The following MED15 variants were observed in gnomAD, a reference collection of about 807,000 sequenced individuals.
MED15 encodes mediator of RNA polymerase II transcription subunit 15.
MED15 carries 41 observed loss-of-function variants against 118.7 expected under a neutral mutation model. The observed-to-expected ratio is 0.35, with a 90% confidence interval of 0.27 to 0.45. The LOEUF is 0.45. Ranked by LOEUF, MED15 falls within the 20% of genes least tolerant of loss-of-function variation. The probability of loss-of-function intolerance (pLI) is 1.00; values close to 1 mark genes in which losing one functional copy is unlikely to be tolerated. For missense variants in MED15, 740 were observed against 1,025.5 expected (o/e 0.72, Z 3.80); for synonymous variants, 436 against 413.9 (o/e 1.05, Z -0.65).
At chr22:20,583,506 C>G in intron 13 of MED15, 113 bp downstream of exon 13, 1 of 1,332,992 alleles carries the variant, frequency 7.5e-7, no homozygotes, top group Non-Finnish European at 1.1e-6. Flanking sequence ...GCTCTTTGGA[C>G]CCTGGCCAGA....
At chr22:20,529,889 G>C (rs1234860719) in intron 1 of MED15, among the ~76,000 whole-genome samples, 1 of 152,024 alleles carries the variant, frequency 6.6e-6, no homozygotes, top group Non-Finnish European at 1.5e-5. Context: ...ACTGTGCTCA[G>C]CTAATTTTTG....
At chr22:20,568,405 G>C in intron 7 of MED15, 116 bp from the exon 8 acceptor site, 1 of 1,458,796 alleles carries the variant, frequency 6.9e-7, no homozygotes, top group African/African-American at 1.4e-5. Flanking sequence ...ATGAGGTCAT[G>C]AAAGTCCCAT....
chr22:20,509,341 C>G (rs191631523), intron 1 of MED15, among the ~76,000 whole-genome samples: 223 of 152,218 alleles, frequency 1.5e-3, no homozygotes, highest in African/African-American at 5.1e-3. Context: ...GAAGAGAGAC[C>G]AGTTAAGCTA....
chr22:20,577,260 C>T (rs1331330553), intron 9 of MED15, among the ~76,000 whole-genome samples: 1 of 152,180 alleles, frequency 6.6e-6, no homozygotes, highest in Non-Finnish European at 1.5e-5. Flanking sequence ...GTTTACTGGG[C>T]ACTCCTGGGT....
chr22:20,582,444 G>C, intron 9 of MED15, 167 bp from the exon 10 acceptor site: 1 of 1,129,358 alleles, frequency 8.9e-7, no homozygotes, highest in Non-Finnish European at 1.2e-6. Context: ...CTGTGTGCCA[G>C]GCTGGGGGAG....
intron 8 of MED15, among the ~76,000 whole-genome samples, chr22:20,570,287 T>C (rs1201829089): frequency 1.3e-5 from 2 of 152,116 alleles, no homozygotes; most frequent in Non-Finnish European, 2.9e-5. Flanking sequence ...CCTCCCAAAG[T>C]GCTGAGATTA....
At chr22:20,529,339 C>T (rs1186568094) in intron 1 of MED15, among the ~76,000 whole-genome samples, 5 of 152,100 alleles carry the variant, frequency 3.3e-5, no homozygotes, top group African/African-American at 4.8e-5. Flanking sequence ...CCTCCACCTC[C>T]CTGGTTCAAG....
chr22:20,568,941 G>C (rs1038930022), intron 8 of MED15, among the ~76,000 whole-genome samples: 2 of 152,138 alleles, frequency 1.3e-5, no homozygotes, highest in Non-Finnish European at 2.9e-5. Flanking sequence ...AGAGTAGAAG[G>C]CTGCAGTTTT....
At chr22:20,523,883 T>C (rs1293031818) in intron 1 of MED15, 11 of 976,668 alleles carry the variant, frequency 1.1e-5, no homozygotes, top group Non-Finnish European at 1.3e-5. Context: ...TCTTGTTTAC[T>C]GGGAGTTGAG....
intron 2 of MED15, among the ~76,000 whole-genome samples, chr22:20,543,423 G>A (rs1322629256): frequency 1.3e-5 from 2 of 150,222 alleles, no homozygotes; most frequent in South Asian, 2.1e-4. Context: ...TGTTGGCCAG[G>A]CTGGTCTTGA....
At chr22:20,581,694 C>T (rs2056986937) in intron 9 of MED15, among the ~76,000 whole-genome samples, 1 of 152,296 alleles carries the variant, frequency 6.6e-6, no homozygotes, top group Admixed American at 6.5e-5. Context: ...TCAAAGCAGC[C>T]ATCTGTGCTC....
chr22:20,513,801 G>C (rs2054160910), intron 1 of MED15, among the ~76,000 whole-genome samples: 1 of 152,158 alleles, frequency 6.6e-6, no homozygotes, highest in Admixed American at 6.5e-5. Flanking sequence ...GCCTGGTTAG[G>C]GAAATTGATG....
At chr22:20,531,389 A>G (rs2054857532) in intron 1 of MED15, among the ~76,000 whole-genome samples, 1 of 152,236 alleles carries the variant, frequency 6.6e-6, no homozygotes, top group Non-Finnish European at 1.5e-5. Context: ...CGTCCTGGCC[A>G]CAGCCTCTCA....
intron 5 of MED15, among the ~76,000 whole-genome samples, chr22:20,558,742 T>G (rs1031735067): frequency 6.6e-6 from 1 of 152,236 alleles, no homozygotes; most frequent in South Asian, 2.1e-4. Context: ...GGATTTGTGC[T>G]GGGTCCTGTG....
At chr22:20,557,468 TATTTTTAGCACATCAGATA>T (rs977130086) in intron 5 of MED15, among the ~76,000 whole-genome samples, 7 of 152,144 alleles carry the variant, frequency 4.6e-5, no homozygotes, top group African/African-American at 1.7e-4. Flanking sequence ...ATTACCTCAC[TATTTTTAGCACATCAGATA>T]AGTACACCAG....
intron 2 of MED15, among the ~76,000 whole-genome samples, chr22:20,541,423 A>G (rs896788257): frequency 6.6e-6 from 1 of 152,216 alleles, no homozygotes; most frequent in Non-Finnish European, 1.5e-5. Context: ...CTTCATTTCC[A>G]TTATAATGGC....
chr22:20,554,873 C>T, intron 4 of MED15, 63 bp from the exon 5 acceptor site: 4 of 1,490,590 alleles, frequency 2.7e-6, no homozygotes, highest in Admixed American at 1.9e-5. Context: ...GCCTTACGCC[C>T]TTTGAGCCAT....
At chr22:20,546,543 T>C (rs2055551427) in intron 2 of MED15, among the ~76,000 whole-genome samples, 1 of 151,268 alleles carries the variant, frequency 6.6e-6, no homozygotes, top group Non-Finnish European at 1.5e-5. Context: ...AGGTTTTCTT[T>C]CGTCAGCCAG....
Position 20,586,785 on chromosome 22 carries a change from C to T in MED15, c.*81C>T, listed in dbSNP as rs990394037. On this transcript the variant is annotated 3_prime_UTR_variant, in exon 18 of 18. Coordinates refer to ENST00000263205, the MANE Select transcript of MED15 (RefSeq NM_001003891.3). The stretch of plus-strand genomic sequence containing the variant: ...GTCAGACACTTCTAGGTGTTGGCTT[C>T]CTTAGAGAGCCTGGGGTTAGGTTAG... 6.4e-7 allele frequency: 1 copy of T among 1,555,174 alleles called. No individual in the cohort carries two copies. The highest frequency in any genetic ancestry group is 1.4e-5 in the African/African-American group (1 of 73,634).
Sources: allele counts gnomAD v4.1 joint callset (sites outside exome capture counted in the v4.1 genomes callset), GRCh38; gene constraint gnomAD v4.1.1; transcripts MANE v1.5; gene names NCBI Gene and HGNC (gene_info 2026-07-23, HGNC 2026-07-21).